ZNF800: variants seen among roughly 807,000 people sequenced by gnomAD.
ZNF800 encodes the protein zinc finger protein 800.
ZNF800 carries 13 observed loss-of-function variants against 59.5 expected under a neutral mutation model. That is an observed-to-expected ratio of 0.22 (90% confidence interval 0.14 to 0.35). ZNF800 has a LOEUF of 0.35. Ranked by LOEUF, ZNF800 falls within the 10% of genes least tolerant of loss-of-function variation. ZNF800 has a pLI of 1.00. For synonymous variants in ZNF800, 266 were observed against 265.7 expected, an observed-to-expected ratio of 1.00 and a Z score of -0.01; for missense variants, 621 against 783.7, an observed-to-expected ratio of 0.79 and a Z score of 2.48.
At chr7:127,365,070 T>C (rs1410985866), downstream of ZNF800, among the ~76,000 whole-genome samples, 1 of 152,062 alleles carries the variant, frequency 6.6e-6, no homozygotes, top group Admixed American at 6.6e-5. Flanking sequence ...GGAATTAGAT[T>C]AAGTATGAAT....
chr7:127,390,733 C>T (rs1801283735), intron 2 of ZNF800, among the ~76,000 whole-genome samples: 2 of 152,104 alleles, frequency 1.3e-5, no homozygotes, highest in African/African-American at 4.8e-5. Context: ...CAATGATTCC[C>T]TTTTAAGTTA....
intron 1 of ZNF800, among the ~76,000 whole-genome samples, chr7:127,350,875 A>AT (rs1416796485): frequency 1.3e-5 from 2 of 152,088 alleles, no homozygotes; most frequent in Non-Finnish European, 2.9e-5. Context: ...CCAGAGTGCA[A>AT]TTTTTCTTCT....
chr7:127,352,533 C>A (rs1174649522), intron 1 of ZNF800, among the ~76,000 whole-genome samples: 1 of 152,158 alleles, frequency 6.6e-6, no homozygotes, highest in East Asian at 1.9e-4. Flanking sequence ...ACTACCAGAG[C>A]TTACTGACAC....
chr7:127,371,690 T>A lies in ZNF800; in HGVS notation c.*124A>T. On this transcript the variant is annotated 3_prime_UTR_variant, in exon 6 of 6. Transcript: ENST00000265827. The stretch of plus-strand genomic sequence containing the variant: ...GAAAACAGCAGTTATAGTTGAATAT[T>A]TAGAAAAATGTTTTTCTTTTTTTCC... 1.7e-6 allele frequency: 1 copy of A among 580,478 alleles called. No homozygotes were observed. The highest frequency in any genetic ancestry group is 2.2e-5 in the South Asian group (1 of 44,644). The allele number at this position is 580,478 out of a possible 1,614,324, so 36.0% of individuals were successfully genotyped here.
At chr7:127,389,813 G>C (rs878926701) in intron 2 of ZNF800, among the ~76,000 whole-genome samples, 1 of 151,916 alleles carries the variant, frequency 6.6e-6, no homozygotes, top group Non-Finnish European at 1.5e-5. Context: ...GTTCCTGCTA[G>C]TTGGGGAGAA....
intron 1 of ZNF800, chr7:127,350,061 C>A (rs916694355): frequency 2.6e-5 from 4 of 152,180 alleles, no homozygotes; most frequent in African/African-American, 9.7e-5. Flanking sequence ...CTAAATTACT[C>A]GCCATTGTCG....
intron 3 of ZNF800, among the ~76,000 whole-genome samples, chr7:127,384,456 G>A (rs1024818222): frequency 2.6e-5 from 4 of 151,468 alleles, no homozygotes; most frequent in African/African-American, 4.8e-5. Context: ...GGATGGTCTC[G>A]ATCTCCTGAC....
At chr7:127,383,426 T>C (rs565871564) in intron 3 of ZNF800, among the ~76,000 whole-genome samples, 5 of 152,344 alleles carry the variant, frequency 3.3e-5, no homozygotes, top group African/African-American at 7.2e-5. Flanking sequence ...CAAAGATATA[T>C]AGCACCACCA....
At chr7:127,375,894 ATAAAG>A (rs781223276) in intron 4 of ZNF800, among the ~76,000 whole-genome samples, 1 of 151,964 alleles carries the variant, frequency 6.6e-6, no homozygotes, top group Non-Finnish European at 1.5e-5. Flanking sequence ...TTTAAGATGA[ATAAAG>A]TAGTGTCTAT....
In ZNF800 at chr7:127,392,203, C is replaced by G; in HGVS notation, c.-202G>C. The G allele has an allele frequency of 7.6e-6, 3 of 394,854 alleles. No homozygotes were observed. The highest frequency in any genetic ancestry group is 8.9e-6 in the Non-Finnish European group (2 of 223,512). The allele number at this position is 394,854 out of a possible 1,614,324, so 24.5% of individuals were successfully genotyped here. Reference sequence around the variant, plus strand: ...CACGCGGGGGAACCCGGACTCGGGCCCGACGCGCTCCCAAAGAGTCCCCGC... The same window carrying G: ...CACGCGGGGGAACCCGGACTCGGGCGCGACGCGCTCCCAAAGAGTCCCCGC... On this transcript the variant is annotated 5_prime_UTR_variant, in exon 1 of 6. Transcript: ENST00000265827.
intron 1 of ZNF800, chr7:127,350,220 T>C (rs1800145767): frequency 1.3e-5 from 2 of 152,324 alleles, no homozygotes; most frequent in South Asian, 4.1e-4. Flanking sequence ...TCCAGAAACA[T>C]GCGCAGAAGT....
chr7:127,345,446 A>G (rs1800042977), downstream of ZNF800, among the ~76,000 whole-genome samples: 1 of 152,212 alleles, frequency 6.6e-6, no homozygotes, highest in Admixed American at 6.5e-5. Context: ...CAGAAATATA[A>G]CAACTTTCTC....
intron 2 of ZNF800, 79 bp downstream of exon 2, chr7:127,391,418 G>C: frequency 2.2e-6 from 3 of 1,392,784 alleles, no homozygotes; most frequent in South Asian, 2.3e-5. Flanking sequence ...TGGGGCAGGA[G>C]GAAAAAAAGC....
At chr7:127,369,157 C>A (rs147077315), downstream of ZNF800, among the ~76,000 whole-genome samples, 24 of 152,214 alleles carry the variant, frequency 1.6e-4, no homozygotes, top group African/African-American at 5.8e-4. Context: ...GAAGAGCAAC[C>A]TACGCCTGTT....
intron 4 of ZNF800, among the ~76,000 whole-genome samples, chr7:127,376,489 C>A (rs1250071580): frequency 2.6e-5 from 4 of 151,910 alleles, no homozygotes; most frequent in South Asian, 2.1e-4. Context: ...CACACAGAGA[C>A]AATATGCTGC....
chr7:127,376,175 T>C (rs765094645), intron 4 of ZNF800, among the ~76,000 whole-genome samples: 7 of 151,928 alleles, frequency 4.6e-5, no homozygotes, highest in Non-Finnish European at 1.0e-4. Flanking sequence ...TCCAGGTAAA[T>C]ATAAAATTTG....
At chr7:127,363,150 T>A (rs1359280934) in intron 1 of ZNF800, 2 of 151,998 alleles carry the variant, frequency 1.3e-5, no homozygotes, top group African/African-American at 2.4e-5. Flanking sequence ...GAAGATAAGT[T>A]TGGATTACTG....
At chr7:127,348,822 A>C (rs1367897557) in intron 1 of ZNF800, among the ~76,000 whole-genome samples, 1 of 152,196 alleles carries the variant, frequency 6.6e-6, no homozygotes, top group East Asian at 1.9e-4. Context: ...TTATGTACCC[A>C]TTCTATATTT....
intron 3 of ZNF800, among the ~76,000 whole-genome samples, chr7:127,382,345 T>G (rs1328191839): frequency 6.6e-6 from 1 of 152,170 alleles, no homozygotes; most frequent in Non-Finnish European, 1.5e-5. Flanking sequence ...ACCAATTTAA[T>G]AAACACATAA....
Sources: allele counts gnomAD v4.1 joint callset (sites outside exome capture counted in the v4.1 genomes callset), GRCh38; gene constraint gnomAD v4.1.1; transcripts MANE v1.5; gene names NCBI Gene and HGNC (gene_info 2026-07-23, HGNC 2026-07-21).